NRXN3: variants seen among roughly 807,000 people sequenced by gnomAD.
NRXN3 encodes the protein neurexin 3.
In NRXN3, 32 loss-of-function variants were observed where a neutral mutation model predicts 137.6. The observed-to-expected ratio is 0.23, with a 90% CI of 0.18 to 0.31. NRXN3 has a LOEUF of 0.31. NRXN3 is among the 10% of genes least tolerant of loss of function. The pLI, the probability that NRXN3 is intolerant of heterozygous loss-of-function variation, is 1.00. For synonymous variants in NRXN3, 798 were observed against 784.5 expected, an observed-to-expected ratio of 1.02 and a Z score of -0.29; for missense variants, 1,574 against 2,062.5, an observed-to-expected ratio of 0.76 and a Z score of 4.59.
intron 4 of NRXN3, among the ~76,000 whole-genome samples, chr14:78,504,560 A>G (rs2095944663): frequency 6.6e-6 from 1 of 152,146 alleles, no homozygotes; most frequent in Non-Finnish European, 1.5e-5. Flanking sequence ...GGGCCTCAGG[A>G]ACTATGTATT....
rs181551368 is a variant in NRXN3 at position 78,935,280 on chromosome 14, C to T, written c.2276-21962C>T. ...ACTCAAAGGGCTGTGGATATATGTACGTGAAAATGTATTCTACAGCCCTAA... is the reference window on the plus strand; with the variant it reads ...ACTCAAAGGGCTGTGGATATATGTATGTGAAAATGTATTCTACAGCCCTAA... On this transcript the variant is annotated intron_variant, in intron 10 of 20. Transcript: ENST00000335750. 2.0e-3 allele frequency among the ~76,000 whole-genome samples: 300 copies of T among 152,166 alleles called. 1 individual carries two copies. Among genetic ancestry groups the T allele is most frequent in the Middle Eastern group, 6.8e-3 (2 of 294 alleles).
At chr14:78,234,439 G>A (rs1466607365) in intron 1 of NRXN3, among the ~76,000 whole-genome samples, 1 of 152,228 alleles carries the variant, frequency 6.6e-6, no homozygotes, top group East Asian at 1.9e-4. Context: ...TCACAGAGAA[G>A]ACAACGGAGG....
chr14:78,827,294 A>C (rs1369327410), intron 10 of NRXN3, among the ~76,000 whole-genome samples: 4 of 151,530 alleles, frequency 2.6e-5, no homozygotes, highest in Non-Finnish European at 5.9e-5. Context: ...AATACAAAAG[A>C]ACATTCCAGA....
At chr14:79,643,633 A>G (rs985840531) in intron 16 of NRXN3, among the ~76,000 whole-genome samples, 1 of 135,284 alleles carries the variant, frequency 7.4e-6, no homozygotes, top group Non-Finnish European at 1.7e-5. Flanking sequence ...TCTCTAATGT[A>G]TACTATATTC....
chr14:79,442,230 A>G (rs1022940547), intron 15 of NRXN3, among the ~76,000 whole-genome samples: 4 of 152,198 alleles, frequency 2.6e-5, no homozygotes, highest in Non-Finnish European at 5.9e-5. Flanking sequence ...TGCTTAGATT[A>G]TTCTGTCTGG....
chr14:78,285,141 G>A (rs2074997003), intron 3 of NRXN3, among the ~76,000 whole-genome samples: 1 of 152,104 alleles, frequency 6.6e-6, no homozygotes, highest in Non-Finnish European at 1.5e-5. Context: ...TTGATTCTGA[G>A]GCTGTATGCT....
At chr14:78,873,281 C>T (rs2099105681) in intron 10 of NRXN3, among the ~76,000 whole-genome samples, 1 of 151,802 alleles carries the variant, frequency 6.6e-6, no homozygotes, top group Non-Finnish European at 1.5e-5. Context: ...TTCATCCAGT[C>T]TCTTTTGCTA....
rs1466219194 is a variant in NRXN3, at chr14:79,863,903, C to T, written c.*1939C>T. On this transcript the variant is annotated 3_prime_UTR_variant, in exon 21 of 21. Coordinates refer to ENST00000335750, the MANE Select transcript of NRXN3 (RefSeq NM_001330195.2). Reference sequence around the variant, plus strand: ...ATTTGACTTTGAAAAAATATCTTAACGACATGGGGCAAAAAGTGCAATCTA... The same window carrying T: ...ATTTGACTTTGAAAAAATATCTTAATGACATGGGGCAAAAAGTGCAATCTA... 3 of 150,362 alleles carry T rather than the reference C, an allele frequency of 2.0e-5. No individual in the cohort carries two copies. The highest frequency in any genetic ancestry group is 7.6e-5 in the African/African-American group (3 of 39,392). 9.3% of individuals were successfully genotyped at this position (150,362 alleles called of 1,614,324 possible). A position where few individuals can be genotyped will look rare whatever the true frequency, so the allele number is the denominator to read the frequency against.
chr14:79,399,321 T>A (rs2095121999), intron 15 of NRXN3, among the ~76,000 whole-genome samples: 1 of 152,168 alleles, frequency 6.6e-6, no homozygotes, highest in African/African-American at 2.4e-5. Flanking sequence ...TTCTCTATAC[T>A]TCCCCCAGAG....
chr14:78,792,747 C>T (rs1245657112), intron 8 of NRXN3, among the ~76,000 whole-genome samples: 1 of 152,152 alleles, frequency 6.6e-6, no homozygotes, highest in Non-Finnish European at 1.5e-5. Context: ...TATACAATCT[C>T]ATTACACAAA....
intron 16 of NRXN3, among the ~76,000 whole-genome samples, chr14:79,543,098 G>C (rs1388120174): frequency 1.3e-5 from 2 of 152,122 alleles, no homozygotes; most frequent in African/African-American, 2.4e-5. Context: ...AAGGCAAATT[G>C]CTCAGGACAG....
intron 16 of NRXN3, among the ~76,000 whole-genome samples, chr14:79,642,474 A>G (rs1411490710): frequency 1.5e-5 from 2 of 135,804 alleles, no homozygotes; most frequent in African/African-American, 4.9e-5. Context: ...GTCATTCAAT[A>G]CATTTCCTCC....
intron 4 of NRXN3, among the ~76,000 whole-genome samples, chr14:78,642,256 C>T (rs2097642822): frequency 6.6e-6 from 1 of 152,174 alleles, no homozygotes; most frequent in African/African-American, 2.4e-5. Context: ...TCTCAGGCAA[C>T]TCACTTATTT....
intron 6 of NRXN3, among the ~76,000 whole-genome samples, chr14:78,706,931 G>A (rs2098357989): frequency 6.6e-6 from 1 of 152,132 alleles, no homozygotes; most frequent in African/African-American, 2.4e-5. Flanking sequence ...TATGATATGT[G>A]CTGGAGTGAC....
intron 15 of NRXN3, among the ~76,000 whole-genome samples, chr14:79,147,136 T>C (rs569835416): frequency 1.3e-5 from 2 of 152,232 alleles, no homozygotes; most frequent in East Asian, 3.9e-4. Flanking sequence ...CACTGACCAA[T>C]TAATTTTTCT....
chr14:79,156,065 CAA>C (rs1484407664), intron 15 of NRXN3, among the ~76,000 whole-genome samples: 2 of 151,718 alleles, frequency 1.3e-5, no homozygotes, highest in African/African-American at 4.8e-5. Context: ...TTCTTTAAAC[CAA>C]AGTTTCCATT....
chr14:78,180,607 G>GA (rs1448877497), intron 1 of NRXN3, among the ~76,000 whole-genome samples: 1 of 152,204 alleles, frequency 6.6e-6, no homozygotes, highest in Non-Finnish European at 1.5e-5. Flanking sequence ...AGGATGTTGA[G>GA]ACCTCTACAG....
chr14:79,454,005 CTG>C (rs2096219151), intron 15 of NRXN3, among the ~76,000 whole-genome samples: 1 of 152,150 alleles, frequency 6.6e-6, no homozygotes, highest in Non-Finnish European at 1.5e-5. Context: ...TTTTCTCAAA[CTG>C]TGCATTTTCC....
At chr14:79,696,871 TC>T (rs2098737452) in intron 18 of NRXN3, among the ~76,000 whole-genome samples, 1 of 151,922 alleles carries the variant, frequency 6.6e-6, no homozygotes, top group African/African-American at 2.4e-5. Context: ...AAGGACAACT[TC>T]CCCAGGACTG....
Sources: gnomAD v4.1 joint callset for allele counts (sites outside exome capture counted in the v4.1 genomes callset) on GRCh38, gnomAD v4.1.1 for gene constraint, MANE v1.5 for transcripts, NCBI Gene and HGNC (gene_info 2026-07-23, HGNC 2026-07-21) for gene names.